The following CEP63 variants were observed in gnomAD, a reference collection of about 807,000 sequenced individuals.
The protein encoded by CEP63 is centrosomal protein 63, also known as centrosomal protein of 63 kDa.
In CEP63, 84 loss-of-function variants were observed where a neutral mutation model predicts 89.1. The observed-to-expected ratio is 0.94, with a 90% CI of 0.79 to 1.13. The LOEUF (loss-of-function observed/expected upper bound fraction) is 1.13, where lower values mean the gene tolerates loss of function less well. CEP63 is among the 50% of genes most tolerant of loss of function. The pLI, the probability that CEP63 is intolerant of heterozygous loss-of-function variation, is 0.00. For missense variants in CEP63, 838 were observed against 813.3 expected (o/e 1.03, Z -0.37); for synonymous variants, 267 against 272.5 (o/e 0.98, Z 0.20).
chr3:134,775,900 C>T, the CEP63 span, among the ~76,000 whole-genome samples: 10 of 152,184 alleles, frequency 6.6e-5, no homozygotes, highest in African/African-American at 9.7e-5. Context: ...TGTGGGGCTT[C>T]CCGCTTTCTT....
At chr3:134,735,160 C>T in the CEP63 span, among the ~76,000 whole-genome samples, 36,885 of 151,992 alleles carry the variant, frequency 0.24, 4,696 homozygotes, top group African/African-American at 0.31. Flanking sequence ...AATCCATTGT[C>T]GTCACATGAA....
chr3:134,500,428 A>G (rs1444446024), intron 2 of CEP63, among the ~76,000 whole-genome samples: 2 of 152,084 alleles, frequency 1.3e-5, no homozygotes, highest in Admixed American at 1.3e-4. Flanking sequence ...TTTTGGTAGA[A>G]TTATTTATTT....
rs1577461719 is a variant in CEP63, at chr3:134,562,285, G to C, written c.*750G>C. 1 of 930,860 alleles carries C rather than the reference G, an allele frequency of 1.1e-6. No individual in the cohort carries two copies. Among genetic ancestry groups the C allele is most frequent in the Non-Finnish European group, 1.3e-6 (1 of 779,846 alleles). 57.7% of individuals were successfully genotyped at this position (930,860 alleles called of 1,614,324 possible). The stretch of plus-strand genomic sequence containing the variant: ...GCAGGCATTTGAAACGATGGGAGTT[G>C]ATAAGATCCACCAGGGAGGCTGTGG... On this transcript the variant is annotated 3_prime_UTR_variant, in exon 15 of 15. Coordinates refer to ENST00000675561, the MANE Select transcript of CEP63 (RefSeq NM_001353108.3).
chr3:134,750,249 C>A, the CEP63 span, among the ~76,000 whole-genome samples: 1 of 152,184 alleles, frequency 6.6e-6, no homozygotes, highest in Non-Finnish European at 1.5e-5. Context: ...CTGGGAAGGG[C>A]CCCTGGCTGC....
chr3:134,495,431 A>T, intron 2 of CEP63, 67 bp downstream of exon 2: 1 of 1,016,106 alleles, frequency 9.8e-7, no homozygotes, highest in Non-Finnish European at 1.6e-6. Context: ...TAGGGTTCAC[A>T]TGATACTTTG....
chr3:134,610,387 G>A, the CEP63 span: 1 of 1,609,662 alleles, frequency 6.2e-7, no homozygotes, highest in Non-Finnish European at 8.5e-7. Flanking sequence ...GGCGAGCCTG[G>A]GGGCAGGACA....
At chr3:134,624,099 C>T in the CEP63 span, among the ~76,000 whole-genome samples, 1 of 152,204 alleles carries the variant, frequency 6.6e-6, no homozygotes, top group African/African-American at 2.4e-5. Context: ...AAAACTTGCT[C>T]CTTCTCCCTT....
chr3:134,572,766 A>T (rs1484455395), intron 11 of CEP63, among the ~76,000 whole-genome samples: 1 of 152,178 alleles, frequency 6.6e-6, no homozygotes, highest in Non-Finnish European at 1.5e-5. Flanking sequence ...TTTTATATAT[A>T]TACCTAGTAA....
the CEP63 span, among the ~76,000 whole-genome samples, chr3:134,761,248 C>T: frequency 6.6e-6 from 1 of 152,226 alleles, no homozygotes; most frequent in Admixed American, 6.5e-5. Context: ...CCCATTTGTT[C>T]TCCCAACATG....
chr3:134,608,953 G>T, the CEP63 span: 2,172 of 1,233,340 alleles, frequency 1.8e-3, 32 homozygotes, highest in African/African-American at 0.029. Context: ...CACCATCTCC[G>T]ACCCTAACAT....
At chr3:134,668,509 C>T in the CEP63 span, among the ~76,000 whole-genome samples, 1 of 152,116 alleles carries the variant, frequency 6.6e-6, no homozygotes, top group African/African-American at 2.4e-5. Flanking sequence ...GAATTGAGCC[C>T]ACCTAGAGTG....
At chr3:134,643,729 T>G in the CEP63 span, among the ~76,000 whole-genome samples, 9 of 152,152 alleles carry the variant, frequency 5.9e-5, no homozygotes, top group African/African-American at 1.2e-4. Context: ...CATACACAGA[T>G]GCCTCATTGA....
chr3:134,555,594 C>G (rs1303014921), intron 12 of CEP63, among the ~76,000 whole-genome samples: 3 of 151,950 alleles, frequency 2.0e-5, no homozygotes, highest in Non-Finnish European at 4.4e-5. Flanking sequence ...TCAAGGAGAA[C>G]TACAAACCAC....
At chr3:134,698,623 C>T in the CEP63 span, among the ~76,000 whole-genome samples, 4 of 152,204 alleles carry the variant, frequency 2.6e-5, no homozygotes, top group South Asian at 4.1e-4. Context: ...TAAAGCCTCA[C>T]GCTCTGGAGA....
the CEP63 span, among the ~76,000 whole-genome samples, chr3:134,653,796 C>A: frequency 6.6e-6 from 1 of 152,206 alleles, no homozygotes. Context: ...GCCTGCAAAT[C>A]TCCAGACCCA....
chr3:134,720,702 C>A, the CEP63 span, among the ~76,000 whole-genome samples: 1 of 152,208 alleles, frequency 6.6e-6, no homozygotes, highest in East Asian at 1.9e-4. Flanking sequence ...ATATGGAAAT[C>A]CAGTTTTCCC....
At chr3:134,510,382 A>G (rs1363936576) in intron 3 of CEP63, 1 of 187,420 alleles carries the variant, frequency 5.3e-6, no homozygotes, top group Non-Finnish European at 1.1e-5. Context: ...GTCATAGTCT[A>G]ACACCTGCAA....
the CEP63 span, among the ~76,000 whole-genome samples, chr3:134,729,893 G>T: frequency 1.3e-5 from 2 of 152,158 alleles, no homozygotes; most frequent in Non-Finnish European, 2.9e-5. Flanking sequence ...CTATTAGTTT[G>T]AAAACCACAT....
At chr3:134,607,654 T>G in the CEP63 span, 68 of 985,678 alleles carry the variant, frequency 6.9e-5, no homozygotes, top group Non-Finnish European at 8.2e-5. Context: ...AGGCCCTGCT[T>G]TTTTGTGACC....
Sources: allele counts gnomAD v4.1 joint callset (sites outside exome capture counted in the v4.1 genomes callset), GRCh38; gene constraint gnomAD v4.1.1; transcripts MANE v1.5; gene names NCBI Gene and HGNC (gene_info 2026-07-23, HGNC 2026-07-21).